Variants in ATP2B2 observed in about 807,000 individuals in gnomAD.
ATP2B2 encodes the protein ATPase plasma membrane Ca2+ transporting 2.
A neutral mutation model predicts 120.0 loss-of-function variants in ATP2B2; 15 were observed. The observed-to-expected ratio is 0.12, with a 90% CI of 0.08 to 0.19. The LOEUF (loss-of-function observed/expected upper bound fraction) is 0.19, where lower values mean the gene tolerates loss of function less well. Ranked by LOEUF, ATP2B2 falls within the 10% of genes least tolerant of loss-of-function variation. The pLI is 1.00. For missense variants in ATP2B2, 1,045 were observed against 1,719.8 expected (o/e 0.61, Z 6.94); for synonymous variants, 694 against 700.3 (o/e 0.99, Z 0.14).
intron 12 of ATP2B2, among the ~76,000 whole-genome samples, chr3:10,364,837 A>G (rs983688307): frequency 1.3e-5 from 2 of 152,258 alleles, no homozygotes; most frequent in Admixed American, 6.5e-5. Context: ...AAACAACTTT[A>G]TGCTAATTGG....
At chr3:10,493,203 T>G (rs1481832369) in intron 1 of ATP2B2, among the ~76,000 whole-genome samples, 1 of 151,850 alleles carries the variant, frequency 6.6e-6, no homozygotes, top group African/African-American at 2.4e-5. Context: ...ATGTCAAGGG[T>G]GGTACATGCT....
chr3:10,499,792 G>T (rs111786958), intron 1 of ATP2B2, among the ~76,000 whole-genome samples: 3,039 of 152,204 alleles, frequency 0.02, 35 homozygotes, highest in Middle Eastern at 0.075. Flanking sequence ...CCTGCCCCAT[G>T]GATTCCTAGC....
intron 10 of ATP2B2, among the ~76,000 whole-genome samples, chr3:10,376,030 G>T (rs190432399): frequency 1.3e-5 from 2 of 152,290 alleles, no homozygotes; most frequent in African/African-American, 4.8e-5. Flanking sequence ...ACACAATAAT[G>T]ACGTGAAGTT....
chr3:10,560,215 G>A (rs2067872326), intron 2 of ATP2B2, among the ~76,000 whole-genome samples: 4 of 152,204 alleles, frequency 2.6e-5, no homozygotes, highest in African/African-American at 9.7e-5. Flanking sequence ...CTTTTATAAT[G>A]GCGTGTCGCA....
intron 1 of ATP2B2, among the ~76,000 whole-genome samples, chr3:10,637,778 C>T (rs975595382): frequency 6.6e-6 from 1 of 151,970 alleles, no homozygotes; most frequent in African/African-American, 2.4e-5. Context: ...GAACTATAAA[C>T]ACACAGGCCT....
chr3:10,402,234 T>C lies in ATP2B2; in HGVS notation c.512A>G (p.Asn171Ser), dbSNP rs1472971663. ...GAACTGTTTCTCTTTGCTCCAGTCA[T>C]TGAAGGCCGTGACCAGGACCACACA... ...VICVVLVTAFNDWSKEKQFRG... is the reference protein window; with the variant it reads ...VICVVLVTAFSDWSKEKQFRG... The change falls in exon 4 of 23, where the codon AAT (asparagine) becomes AGT (serine). Residue 171 changes from asparagine to serine, a missense_variant. Transcript: ENST00000360273. This position sits in a 1 kb window ranked among gnomAD's most constrained non-coding sequence, Gnocchi z 4.9. The C allele has an allele frequency of 6.2e-7, 1 of 1,614,198 alleles. No individual in the cohort carries two copies. The highest frequency in any genetic ancestry group is 8.5e-7 in the Non-Finnish European group (1 of 1,180,038).
intron 2 of ATP2B2, among the ~76,000 whole-genome samples, chr3:10,568,429 T>C (rs1344441384): frequency 1.3e-5 from 2 of 152,130 alleles, no homozygotes; most frequent in African/African-American, 4.8e-5. Flanking sequence ...ACACACTTGA[T>C]GTTCAGAGAA....
chr3:10,534,238 T>G (rs947692850), intron 2 of ATP2B2: 1 of 152,500 alleles, frequency 6.6e-6, no homozygotes, highest in Non-Finnish European at 1.5e-5. Flanking sequence ...GTCCCCGATG[T>G]GCTGGCTCTA....
intron 2 of ATP2B2, among the ~76,000 whole-genome samples, chr3:10,586,908 G>A (rs961278215): frequency 2.0e-5 from 3 of 152,110 alleles, no homozygotes; most frequent in Non-Finnish European, 2.9e-5. Flanking sequence ...CCTCCTCAGT[G>A]GGCTCTCCCC....
rs1202017947 is a variant in ATP2B2, at chr3:10,385,676, T to G, written c.941-349A>C. 2.6e-5 allele frequency among the ~76,000 whole-genome samples: 4 copies of G among 152,218 alleles called. No individual in the cohort carries two copies. The East Asian group carries it at 7.7e-4, about 29-fold the overall frequency. The stretch of plus-strand genomic sequence containing the variant: ...GAGAGGGCTCCATGAAATGAGGAGA[T>G]CTGGCTGCCCATTGGGGGCCAGGAG... On this transcript the variant is annotated intron_variant, in intron 7 of 22. Coordinates refer to ENST00000360273, the MANE Select transcript of ATP2B2 (RefSeq NM_001001331.4).
At chr3:10,571,802 G>A (rs1423664040) in intron 2 of ATP2B2, among the ~76,000 whole-genome samples, 1 of 152,178 alleles carries the variant, frequency 6.6e-6, no homozygotes, top group South Asian at 2.1e-4. Flanking sequence ...GTCCTGTGTC[G>A]CTTCTGGCAC....
intron 1 of ATP2B2, among the ~76,000 whole-genome samples, chr3:10,672,214 A>G (rs1406413556): frequency 6.6e-6 from 1 of 152,202 alleles, no homozygotes; most frequent in Non-Finnish European, 1.5e-5. Context: ...CCCAAAACAC[A>G]AGTCAGTACA....
At chr3:10,707,662 C>A (rs1015510069) in intron 1 of ATP2B2, among the ~76,000 whole-genome samples, 3 of 152,114 alleles carry the variant, frequency 2.0e-5, no homozygotes, top group African/African-American at 7.2e-5. Flanking sequence ...CACCCGCAGG[C>A]GCCGGGTCCG....
chr3:10,649,577 T>C (rs958002568), intron 1 of ATP2B2, among the ~76,000 whole-genome samples: 1 of 152,190 alleles, frequency 6.6e-6, no homozygotes, highest in Non-Finnish European at 1.5e-5. Flanking sequence ...CCATTCTCTC[T>C]GACCTCAGCT....
At chr3:10,692,777 G>A (rs1003464068) in intron 1 of ATP2B2, among the ~76,000 whole-genome samples, 3 of 151,970 alleles carry the variant, frequency 2.0e-5, no homozygotes, top group African/African-American at 7.3e-5. Flanking sequence ...ATGCCCAGGA[G>A]CAGTCACTGA....
At chr3:10,442,777 A>G (rs978422338) in intron 2 of ATP2B2, among the ~76,000 whole-genome samples, 1 of 152,248 alleles carries the variant, frequency 6.6e-6, no homozygotes, top group Admixed American at 6.5e-5. Context: ...TTGAAGCCAC[A>G]CAGAGAGTTC....
intron 11 of ATP2B2, among the ~76,000 whole-genome samples, chr3:10,373,801 C>A (rs530677439): frequency 1.3e-5 from 2 of 152,066 alleles, no homozygotes; most frequent in East Asian, 1.9e-4. Context: ...CTTGAACTTC[C>A]GGGCTCAAGC....
intron 22 of ATP2B2, 39 bp downstream of exon 22, chr3:10,338,137 C>G (rs373218652): frequency 5.0e-6 from 8 of 1,611,836 alleles, no homozygotes. Flanking sequence ...TGGCCCGCCC[C>G]GGCCAGGCCT....
intron 2 of ATP2B2, among the ~76,000 whole-genome samples, chr3:10,565,948 G>A (rs1200936083): frequency 6.6e-6 from 1 of 152,054 alleles, no homozygotes; most frequent in East Asian, 1.9e-4. Context: ...CCCCTCAGCT[G>A]TCTATCCACC....
Sources: allele counts gnomAD v4.1 joint callset (sites outside exome capture counted in the v4.1 genomes callset), GRCh38; gene constraint gnomAD v4.1.1; non-coding constraint Gnocchi (gnomAD v3.1); transcripts MANE v1.5; gene names NCBI Gene and HGNC (gene_info 2026-07-23, HGNC 2026-07-21).